Variants in CDH12 observed in about 807,000 individuals in gnomAD.
CDH12 encodes the protein cadherin-12.
A neutral mutation model predicts 74.1 loss-of-function variants in CDH12; 41 were observed. The observed-to-expected ratio is 0.55, with a 90% confidence interval of 0.43 to 0.72. CDH12 has a LOEUF of 0.72. CDH12 is among the 30% of genes least tolerant of loss of function. The pLI is 0.00. For synonymous variants in CDH12, 399 were observed against 355.0 expected, an observed-to-expected ratio of 1.12 and a Z score of -1.39; for missense variants, 945 against 977.2, an observed-to-expected ratio of 0.97 and a Z score of 0.44.
At chr5:21,945,984 GAA>G (rs59874050) in intron 6 of CDH12, among the ~76,000 whole-genome samples, 22 of 146,586 alleles carry the variant, frequency 1.5e-4, no homozygotes, top group African/African-American at 4.5e-4. Flanking sequence ...TTCTGGAAAT[GAA>G]AAAAAAAAAT....
At chr5:22,841,527 T>A (rs184196354) in intron 1 of CDH12, among the ~76,000 whole-genome samples, 1 of 152,204 alleles carries the variant, frequency 6.6e-6, no homozygotes, top group Admixed American at 6.6e-5. Flanking sequence ...GGGAAATATA[T>A]ATTTGGGAGT....
intron 6 of CDH12, among the ~76,000 whole-genome samples, chr5:21,875,729 A>G (rs1751900536): frequency 6.6e-6 from 1 of 152,102 alleles, no homozygotes; most frequent in East Asian, 1.9e-4. Flanking sequence ...TCCTTCAGCA[A>G]TTTACCTTAA....
At chr5:22,470,777 A>G (rs1745925806) in intron 2 of CDH12, among the ~76,000 whole-genome samples, 2 of 151,796 alleles carry the variant, frequency 1.3e-5, no homozygotes, top group African/African-American at 2.4e-5. Flanking sequence ...ATATGAAGCT[A>G]TAATATCTAT....
chr5:22,008,306 T>C (rs1206485499), intron 5 of CDH12, among the ~76,000 whole-genome samples: 1 of 152,092 alleles, frequency 6.6e-6, no homozygotes, highest in Non-Finnish European at 1.5e-5. Context: ...CTTGGCTCAC[T>C]GTAACCTCCA....
chr5:22,010,824 G>A (rs984466970), intron 5 of CDH12, among the ~76,000 whole-genome samples: 11 of 152,094 alleles, frequency 7.2e-5, no homozygotes, highest in African/African-American at 1.9e-4. Flanking sequence ...TCTGCCGGAC[G>A]TATGTGTTCT....
intron 1 of CDH12, among the ~76,000 whole-genome samples, chr5:22,770,141 ACAC>A (rs1746732262): frequency 6.6e-6 from 1 of 151,618 alleles, no homozygotes; most frequent in Non-Finnish European, 1.5e-5. Flanking sequence ...TCCCATTCTT[ACAC>A]CTGTGTATTG....
At chr5:22,842,985 G>A (rs887884331) in intron 1 of CDH12, among the ~76,000 whole-genome samples, 1 of 152,014 alleles carries the variant, frequency 6.6e-6, no homozygotes, top group Non-Finnish European at 1.5e-5. Flanking sequence ...GTATGTTTGT[G>A]TAAAGTGAAT....
chr5:22,108,461 G>A (rs113667487), intron 4 of CDH12, among the ~76,000 whole-genome samples: 2,057 of 152,340 alleles, frequency 0.014, 54 homozygotes, highest in African/African-American at 0.047. Flanking sequence ...AGTATGAAGA[G>A]TATAGTAGAA....
rs139609227 is a variant in CDH12 at position 21,797,778 on chromosome 5, G to A, written c.1256+4389C>T. Among the ~76,000 whole-genome samples, 342 of 152,122 alleles carry A rather than the reference G, an allele frequency of 2.2e-3. 2 individuals carry two copies. Among genetic ancestry groups the A allele is most frequent in the African/African-American group, 8.0e-3 (334 of 41,506 alleles). On this transcript the variant is annotated intron_variant, in intron 10 of 14. Transcript: ENST00000382254. ...TGACTGTAACAATTTTCTTGAATTT[G>A]GAACGTGTATCTTTACCTAATAATG...
chr5:22,085,299 C>T (rs948605712), intron 4 of CDH12, among the ~76,000 whole-genome samples: 7 of 151,980 alleles, frequency 4.6e-5, no homozygotes, highest in Non-Finnish European at 1.0e-4. Flanking sequence ...TGTGGTTTCC[C>T]TAGTTATTTA....
intron 1 of CDH12, among the ~76,000 whole-genome samples, chr5:22,778,329 C>G (rs1046843562): frequency 6.6e-6 from 1 of 152,042 alleles, no homozygotes; most frequent in Non-Finnish European, 1.5e-5. Context: ...AAATGGAGGC[C>G]TTTCCCATGG....
chr5:22,798,922 C>T (rs1017710972), intron 1 of CDH12, among the ~76,000 whole-genome samples: 1 of 151,932 alleles, frequency 6.6e-6, no homozygotes, highest in African/African-American at 2.4e-5. Flanking sequence ...TGAGATCAGC[C>T]TGGCCAGCAT....
rs148822922 is a variant in CDH12 at position 22,559,746 on chromosome 5, C to T, written c.-522-54382G>A. On this transcript the variant is annotated intron_variant, in intron 1 of 14. Coordinates refer to ENST00000382254, the MANE Select transcript of CDH12 (RefSeq NM_004061.5). ...AAAAAAATCTTAAAGACAAGCAAGG[C>T]TAACGGTTGTCACCAGTATCTTATT... Among the ~76,000 whole-genome samples, 12 of 152,208 alleles carry T rather than the reference C, an allele frequency of 7.9e-5. No homozygotes were observed. The East Asian group carries it at 2.3e-3, about 29-fold the overall frequency.
intron 5 of CDH12, among the ~76,000 whole-genome samples, chr5:22,056,468 C>T (rs543833210): frequency 6.6e-6 from 1 of 152,088 alleles, no homozygotes; most frequent in South Asian, 2.1e-4. Flanking sequence ...AGAAGGAGAG[C>T]TTGGAACATG....
intron 11 of CDH12, among the ~76,000 whole-genome samples, chr5:21,778,466 CAAA>C (rs70957061): frequency 7.6e-3 from 398 of 52,644 alleles, no homozygotes; most frequent in Non-Finnish European, 0.01. Flanking sequence ...GCATATAAGC[CAAA>C]AAAAAAAAAA....
At chr5:21,886,391 C>A (rs1752631457) in intron 6 of CDH12, among the ~76,000 whole-genome samples, 1 of 150,918 alleles carries the variant, frequency 6.6e-6, no homozygotes, top group South Asian at 2.1e-4. Flanking sequence ...TATCCTTTTT[C>A]TGGAATTCTT....
intron 3 of CDH12, among the ~76,000 whole-genome samples, chr5:22,357,100 T>C (rs1303645940): frequency 2.0e-5 from 3 of 152,116 alleles, no homozygotes; most frequent in Non-Finnish European, 4.4e-5. Flanking sequence ...GAGATATTAT[T>C]TGTATTTTTC....
At position 22,051,724 on chromosome 5, in the gene CDH12, C is replaced by T. The variant is rs116269154; in HGVS notation, c.231+26722G>A. 1.3e-3 allele frequency among the ~76,000 whole-genome samples: 205 copies of T among 152,166 alleles called. 1 individual carries two copies. Among genetic ancestry groups the T allele is most frequent in the African/African-American group, 4.8e-3 (199 of 41,516 alleles). On this transcript the variant is annotated intron_variant, in intron 5 of 14. Coordinates refer to ENST00000382254, the MANE Select transcript of CDH12 (RefSeq NM_004061.5). ...TTTTAAGTATTTCTCCTCCCCTGAT[C>T]TTTAATTTTCATTAACTAGAAAACC...
intron 1 of CDH12, among the ~76,000 whole-genome samples, chr5:22,752,248 T>A (rs1366707300): frequency 2.0e-5 from 3 of 152,114 alleles, no homozygotes; most frequent in Non-Finnish European, 1.5e-5. Flanking sequence ...AGAGATTTTT[T>A]AAAACATTTT....
Sources: gnomAD v4.1 joint callset for allele counts (sites outside exome capture counted in the v4.1 genomes callset) on GRCh38, gnomAD v4.1.1 for gene constraint, MANE v1.5 for transcripts, NCBI Gene and HGNC (gene_info 2026-07-23, HGNC 2026-07-21) for gene names.